Variants in ZNF33A observed in about 807,000 individuals in gnomAD.
The protein encoded by ZNF33A is zinc finger protein 33A.
A neutral mutation model predicts 15.9 loss-of-function variants in ZNF33A; 9 were observed. The ratio of observed to expected loss-of-function variants is 0.57; its 90% CI spans 0.34 to 0.99. The LOEUF is 0.99. Among genes scored for constraint, ZNF33A ranks in the 50% least tolerant of loss-of-function variants. The pLI, the probability that ZNF33A is intolerant of heterozygous loss-of-function variation, is 0.02. For synonymous variants in ZNF33A, 294 were observed against 324.2 expected, an observed-to-expected ratio of 0.91 and a Z score of 1.00; for missense variants, 843 against 941.6, an observed-to-expected ratio of 0.90 and a Z score of 1.37.
chr10:38,052,676 T>C (rs1483929426), intron 4 of ZNF33A, among the ~76,000 whole-genome samples: 2 of 152,134 alleles, frequency 1.3e-5, no homozygotes, highest in Admixed American at 6.6e-5. Context: ...ACTAAAACTT[T>C]GAAAAATAAA....
chr10:38,065,578 CA>C (rs2066702674), downstream of ZNF33A, among the ~76,000 whole-genome samples: 1 of 152,158 alleles, frequency 6.6e-6, no homozygotes. Context: ...GTAGAGGCAA[CA>C]AATACATTAG....
At chr10:38,066,135 A>G (rs1353823792), downstream of ZNF33A, among the ~76,000 whole-genome samples, 1 of 152,162 alleles carries the variant, frequency 6.6e-6, no homozygotes, top group Non-Finnish European at 1.5e-5. Flanking sequence ...ATAGCATTTG[A>G]TATAAAACCC....
intron 4 of ZNF33A, among the ~76,000 whole-genome samples, chr10:38,044,349 A>T (rs1733857332): frequency 1.4e-5 from 2 of 147,732 alleles, no homozygotes; most frequent in South Asian, 2.2e-4. Flanking sequence ...CTGGGATTAC[A>T]GGTGCGTGTG....
At position 38,050,260 on chromosome 10, in the gene ZNF33A, T is replaced by C. The variant is rs144078252; in HGVS notation, c.251-4115T>C. Among the ~76,000 whole-genome samples the C allele has an allele frequency of 3.5e-3, 537 of 152,266 alleles. 1 individual carries two copies. Among genetic ancestry groups the C allele is most frequent in the East Asian group, 0.016 (85 of 5,182 alleles). On this transcript the variant is annotated intron_variant, in intron 4 of 4. Transcript: ENST00000432900. ...AACATAAATTCAAAAACTCTAGGGATTGGAAACCAGTGGTGTATAACATGG... is the reference window on the plus strand; with the variant it reads ...AACATAAATTCAAAAACTCTAGGGACTGGAAACCAGTGGTGTATAACATGG...
intron 4 of ZNF33A, among the ~76,000 whole-genome samples, chr10:38,053,766 G>A (rs942111041): frequency 6.6e-6 from 1 of 152,018 alleles, no homozygotes; most frequent in Non-Finnish European, 1.5e-5. Flanking sequence ...TTTAATCTAC[G>A]TGAACTCAGA....
intron 4 of ZNF33A, among the ~76,000 whole-genome samples, chr10:38,024,175 A>AAAAAAAAAAAAAAAAAAAT (rs1564841335): frequency 6.9e-6 from 1 of 144,676 alleles, no homozygotes; most frequent in Non-Finnish European, 1.5e-5. Flanking sequence ...AAAAAAAAAA[A>AAAAAAAAAAAAAAAAAAAT]AAAAAAGAAA....
At chr10:38,015,433 C>G (rs2064405624) in intron 2 of ZNF33A, among the ~76,000 whole-genome samples, 1 of 152,026 alleles carries the variant, frequency 6.6e-6, no homozygotes, top group South Asian at 2.1e-4. Context: ...AGCCTGGTGT[C>G]TCAGCGGGTG....
intron 4 of ZNF33A, among the ~76,000 whole-genome samples, chr10:38,041,520 CTATT>C (rs980100781): frequency 3.5e-4 from 53 of 151,926 alleles, no homozygotes; most frequent in African/African-American, 1.3e-3. Flanking sequence ...TTTCTCTTCT[CTATT>C]TGTTATTTTT....
chr10:38,035,036 TC>T (rs1399434257), intron 4 of ZNF33A, among the ~76,000 whole-genome samples: 2 of 151,640 alleles, frequency 1.3e-5, no homozygotes, highest in African/African-American at 4.8e-5. Flanking sequence ...CTAGCTTTCT[TC>T]CCTTGCTTCC....
Position 38,017,218 on chromosome 10 carries a change from A to C in ZNF33A, c.155-73A>C, listed in dbSNP as rs1484622652. The C allele has an allele frequency of 6.1e-6, 9 of 1,465,490 alleles. No individual in the cohort carries two copies. In the East Asian group the frequency reaches 1.8e-4, roughly 30 times the overall value. The allele number at this position is 1,465,490 out of a possible 1,614,324, so 90.8% of individuals were successfully genotyped here. The stretch of plus-strand genomic sequence containing the variant: ...CACTGGCAACTCGAAGCAGCCCCAG[A>C]AGCTTCTTCCTGCTTCAAAGGCCTG... On this transcript the variant is annotated intron_variant, in intron 3 of 4. Transcript: ENST00000432900.
At chr10:38,030,258 A>G (rs1392894201) in intron 4 of ZNF33A, among the ~76,000 whole-genome samples, 1 of 152,238 alleles carries the variant, frequency 6.6e-6, no homozygotes, top group Non-Finnish European at 1.5e-5. Context: ...TTAGACATTT[A>G]TCCTTGAGAA....
intron 4 of ZNF33A, among the ~76,000 whole-genome samples, chr10:38,053,876 T>C (rs2066328245): frequency 6.6e-6 from 1 of 152,218 alleles, no homozygotes; most frequent in Non-Finnish European, 1.5e-5. Flanking sequence ...CTATTCCATG[T>C]AATCACCACA....
At chr10:38,063,753 C>T (rs1301087443), downstream of ZNF33A, among the ~76,000 whole-genome samples, 1 of 152,206 alleles carries the variant, frequency 6.6e-6, no homozygotes, top group Non-Finnish European at 1.5e-5. Context: ...TTCTCTGCGT[C>T]AGTCTGCCTT....
Position 38,055,283 on chromosome 10 carries a change from T to G in ZNF33A, c.1159T>G (p.Cys387Gly). The change falls in exon 5 of 5, where the codon TGC becomes GGC. Residue 387 changes from cysteine (C) to glycine (G), a missense_variant. Cys to Gly is a radical substitution (Grantham distance 159). Coordinates refer to ENST00000432900, the MANE Select transcript of ZNF33A (RefSeq NM_006954.2). ...ACACACAGGGGAGAAACCTTTTGAATGCAATGAATGTGGGAAAGCCTTTAG... is the reference window on the plus strand; with the variant it reads ...ACACACAGGGGAGAAACCTTTTGAAGGCAATGAATGTGGGAAAGCCTTTAG... The part of the protein sequence containing the change: ...RSHTGEKPFE[C>G]NECGKAFSHK... 6.2e-7 allele frequency: 1 copy of G among 1,614,100 alleles called. No homozygotes were observed. Among genetic ancestry groups the G allele is most frequent in the East Asian group, 2.2e-5 (1 of 44,864 alleles).
chr10:38,011,530 G>A (rs1249348658), intron 1 of ZNF33A, among the ~76,000 whole-genome samples: 2 of 152,102 alleles, frequency 1.3e-5, no homozygotes, highest in South Asian at 2.1e-4. Flanking sequence ...AGCCAAGATC[G>A]CACTATTGCA....
rs759470333 is a variant in ZNF33A, at chr10:38,054,628, T to G, written c.504T>G (p.Asp168Glu). 5.0e-6 allele frequency: 8 copies of G among 1,612,470 alleles called. No homozygotes were observed. The highest frequency in any genetic ancestry group is 6.8e-6 in the Non-Finnish European group (8 of 1,179,636). The change falls in exon 5 of 5, where the codon GAT becomes GAG. Residue 168 changes from aspartate (D) to glutamate (E), a missense_variant. Coordinates refer to ENST00000432900, the MANE Select transcript of ZNF33A (RefSeq NM_006954.2). Reference protein sequence around the residue: ...SKINYLGKKSDEFNACGKLLL... With the variant: ...SKINYLGKKSEEFNACGKLLL... ...TAAACTATTTAGGAAAAAAGTCTGA[T>G]GAATTTAATGCCTGTGGGAAATTGT...
At chr10:38,014,338 AT>A (rs746746687) in intron 2 of ZNF33A, among the ~76,000 whole-genome samples, 1 of 152,056 alleles carries the variant, frequency 6.6e-6, no homozygotes, top group Non-Finnish European at 1.5e-5. Context: ...GCCTGGCCAA[AT>A]ATTTAATGTC....
intron 2 of ZNF33A, among the ~76,000 whole-genome samples, chr10:38,015,579 C>T (rs533165522): frequency 1.2e-3 from 176 of 152,196 alleles, no homozygotes; most frequent in South Asian, 3.7e-3. Context: ...CCTCAGCCTC[C>T]CAAAGTGCTG....
In ZNF33A at chr10:38,017,330, A is replaced by C. The variant is rs769820307; in HGVS notation, c.194A>C (p.Gln65Pro). ...VHKPEVIFRL[Q>P]QGEEPWKQEE... The stretch of plus-strand genomic sequence containing the variant: ...AAACCAGAGGTGATCTTCAGGCTGC[A>C]ACAAGGAGAAGAGCCATGGAAACAG... Residue 65 changes from glutamine to proline, a missense_variant, in exon 4 of 5, where the codon CAA becomes CCA. Physicochemically the swap from Gln to Pro is moderately conservative, Grantham distance 76 (BLOSUM62 -1). Coordinates refer to ENST00000432900, the MANE Select transcript of ZNF33A (RefSeq NM_006954.2). The C allele has an allele frequency of 2.6e-5, 42 of 1,613,976 alleles. No homozygotes were observed. The highest frequency in any genetic ancestry group is 5.1e-6 in the Non-Finnish European group (6 of 1,179,976).
Sources: allele counts gnomAD v4.1 joint callset (sites outside exome capture counted in the v4.1 genomes callset), GRCh38; gene constraint gnomAD v4.1.1; transcripts MANE v1.5; gene names NCBI Gene and HGNC (gene_info 2026-07-23, HGNC 2026-07-21).